SFXN2: variants seen among roughly 807,000 people sequenced by gnomAD.
SFXN2 encodes the protein sideroflexin 2.
Under a neutral mutation model 41.9 loss-of-function variants are expected in SFXN2, and 37 were observed. The ratio of observed to expected loss-of-function variants is 0.88; its 90% CI spans 0.68 to 1.16. SFXN2 has a LOEUF of 1.16. Among genes scored for constraint, SFXN2 ranks in the 50% most tolerant of loss-of-function variants. The probability of loss-of-function intolerance (pLI) is 0.00; values close to 1 mark genes in which losing one functional copy is unlikely to be tolerated. For missense variants in SFXN2, 386 were observed against 425.2 expected, an observed-to-expected ratio of 0.91 and a Z score of 0.81; for synonymous variants, 150 against 156.7, an observed-to-expected ratio of 0.96 and a Z score of 0.32.
At chr10:102,732,100 A>C in intron 7 of SFXN2, 52 bp from the exon 8 acceptor site, 1 of 1,544,210 alleles carries the variant, frequency 6.5e-7, no homozygotes. Flanking sequence ...CTGGTGCAGC[A>C]CATGTACACT....
Position 102,732,903 on chromosome 10 carries a change from A to T in SFXN2, c.766A>T (p.Met256Leu). ...IMERLEKLHF[M>L]QKVKVLHAPL... ...GGAAAGGCTTGAGAAATTGCACTTC[A>T]TGCAGGTATGTAGGGTTTGCTTTGG... The change falls in exon 9 of 12, where the codon ATG becomes TTG. Residue 256 changes from methionine (M) to leucine (L), a missense_variant. By Grantham distance (15) the Met-to-Leu change is conservative. Transcript: ENST00000369893. 1 of 1,614,070 alleles carries T rather than the reference A, an allele frequency of 6.2e-7. No individual in the cohort carries two copies.
intron 4 of SFXN2, 152 bp from the exon 5 acceptor site, chr10:102,729,167 G>A: frequency 3.0e-6 from 2 of 673,692 alleles, no homozygotes; most frequent in Non-Finnish European, 5.1e-6. Context: ...AGCACTGTGA[G>A]TGAGGGGGAG....
chr10:102,721,614 TA>T (rs1264328253), intron 1 of SFXN2, among the ~76,000 whole-genome samples: 1 of 147,568 alleles, frequency 6.8e-6, no homozygotes, highest in African/African-American at 2.4e-5. Flanking sequence ...ATTATATATT[TA>T]TATAGTTATA....
At chr10:102,726,501 C>T (rs2064594784) in intron 1 of SFXN2, 111 bp from the exon 2 acceptor site, 15 of 1,125,154 alleles carry the variant, frequency 1.3e-5, no homozygotes, top group East Asian at 2.4e-5. Flanking sequence ...CTGAGTCAGA[C>T]GATGCCCAGT....
At chr10:102,717,919 A>G (rs770057809) in intron 1 of SFXN2, 6 of 414,646 alleles carry the variant, frequency 1.4e-5, no homozygotes, top group Non-Finnish European at 1.9e-5. Context: ...CAAGAAGGTG[A>G]CAATCACAAA....
intron 1 of SFXN2, among the ~76,000 whole-genome samples, chr10:102,720,942 G>A (rs1462556550): frequency 6.6e-6 from 1 of 152,066 alleles, no homozygotes; most frequent in African/African-American, 2.4e-5. Flanking sequence ...TCAATTGTTT[G>A]GCTTTAAGTT....
At position 102,732,957 on chromosome 10, in the gene SFXN2, C is replaced by G. The variant is rs1319649086; in HGVS notation, c.771+49C>G. On this transcript the variant is annotated intron_variant, in intron 9 of 11. Coordinates refer to ENST00000369893, the MANE Select transcript of SFXN2 (RefSeq NM_178858.6). Reference sequence around the variant, plus strand: ...TTTCCCTGCCCAGAGTGCGTCCAGCCACATCTGTCCCTAGGGATACCTGAC... The same window carrying G: ...TTTCCCTGCCCAGAGTGCGTCCAGCGACATCTGTCCCTAGGGATACCTGAC... 4.4e-6 allele frequency: 7 copies of G among 1,593,966 alleles called. No homozygotes were observed. In the African/African-American group the frequency reaches 9.4e-5, roughly 21 times the overall value.
At chr10:102,729,071 G>A (rs945774138) in intron 4 of SFXN2, among the ~76,000 whole-genome samples, 5 of 152,218 alleles carry the variant, frequency 3.3e-5, no homozygotes, top group African/African-American at 9.6e-5. Flanking sequence ...ACACCTCCCC[G>A]CATAGGGAGC....
At chr10:102,723,402 C>G (rs549679799) in intron 1 of SFXN2, among the ~76,000 whole-genome samples, 1 of 152,066 alleles carries the variant, frequency 6.6e-6, no homozygotes, top group Admixed American at 6.6e-5. Flanking sequence ...CGGGCACCTG[C>G]CACTGCGCCC....
chr10:102,732,774 C>A, intron 8 of SFXN2, 85 bp from the exon 9 acceptor site: 2 of 1,402,338 alleles, frequency 1.4e-6, no homozygotes, highest in South Asian at 1.2e-5. Context: ...GGAGAGGGAA[C>A]CACTTGGTTC....
In SFXN2 at chr10:102,720,610, CA is replaced by C. The variant is rs71474576; in HGVS notation, c.-26+5944del. Among the ~76,000 whole-genome samples, 756 of 127,342 alleles carry C rather than the reference CA, an allele frequency of 5.9e-3. 2 individuals carry two copies. The highest frequency in any genetic ancestry group is 0.019 in the East Asian group (83 of 4,438). 83.5% of individuals were successfully genotyped at this position (127,342 alleles called of 152,430 possible). On this transcript the variant is annotated intron_variant, in intron 1 of 11. Coordinates refer to ENST00000369893, the MANE Select transcript of SFXN2 (RefSeq NM_178858.6). Reference sequence around the variant, plus strand: ...TGGGCAACAGAGCAAGACCCTGTCTCAAAAAAAAAAAAAAATCCCATGGTAT... The same window carrying C: ...TGGGCAACAGAGCAAGACCCTGTCTCAAAAAAAAAAAAAATCCCATGGTAT...
chr10:102,716,129 T>C (rs2064407616), intron 1 of SFXN2: 1 of 152,124 alleles, frequency 6.6e-6, no homozygotes, highest in Non-Finnish European at 1.5e-5. Flanking sequence ...AGGTTGCTCT[T>C]TCTAAGTTGT....
intron 10 of SFXN2, among the ~76,000 whole-genome samples, 156 bp downstream of exon 10, chr10:102,733,759 C>T (rs1434818813): frequency 1.3e-5 from 2 of 152,182 alleles, no homozygotes; most frequent in Non-Finnish European, 2.9e-5. Context: ...AAGCTCTCAC[C>T]CCATCTTTTG....
At chr10:102,731,118 T>C (rs1355146811) in intron 6 of SFXN2, among the ~76,000 whole-genome samples, 1 of 149,748 alleles carries the variant, frequency 6.7e-6, no homozygotes, top group Non-Finnish European at 1.5e-5. Flanking sequence ...AAAACAAAAA[T>C]TAGCCGGGCA....
chr10:102,726,736 C>G lies in SFXN2; in HGVS notation c.100C>G (p.Arg34Gly), dbSNP rs201068739. 3.7e-6 allele frequency: 6 copies of G among 1,614,196 alleles called. No homozygotes were observed. The highest frequency in any genetic ancestry group is 4.2e-6 in the Non-Finnish European group (5 of 1,180,046). The change falls in exon 2 of 12, where the codon CGC becomes GGC. Residue 34 changes from arginine (R) to glycine (G), a missense_variant. Physicochemically the swap from Arg to Gly is moderately radical, Grantham distance 125. Coordinates refer to ENST00000369893, the MANE Select transcript of SFXN2 (RefSeq NM_178858.6). ...GCACTTCCTAAACATCACGGACCCC[C>G]GCACTGTCTTTGTATCTGAGCGGGA... ...VKHFLNITDP[R>G]TVFVSERELD...
intron 1 of SFXN2, chr10:102,714,932 C>T (rs2064383462): frequency 6.5e-6 from 1 of 153,274 alleles, no homozygotes; most frequent in Non-Finnish European, 1.5e-5. Context: ...GGGGGAGTAC[C>T]GATGGGGGGA....
intron 10 of SFXN2, 59 bp downstream of exon 10, chr10:102,733,662 G>A (rs572646383): frequency 3.4e-5 from 48 of 1,403,506 alleles, no homozygotes; most frequent in African/African-American, 1.3e-4. Flanking sequence ...AAGATGTGTC[G>A]TCTTGTCTAG....
chr10:102,733,247 A>G (rs904744687), intron 9 of SFXN2, among the ~76,000 whole-genome samples: 10 of 152,318 alleles, frequency 6.6e-5, no homozygotes, highest in Admixed American at 2.6e-4. Flanking sequence ...TCCTGGGTTC[A>G]TGCCATTCTC....
Position 102,741,196 on chromosome 10 carries a change from G to GTA in SFXN2, c.*3435_*3436dup, listed in dbSNP as rs1049377592. 2.0e-5 allele frequency: 3 copies of GTA among 152,200 alleles called. No homozygotes were observed. Among genetic ancestry groups the GTA allele is most frequent in the African/African-American group, 7.2e-5 (3 of 41,444 alleles). 9.4% of individuals were successfully genotyped at this position (152,200 alleles called of 1,614,324 possible). ...CCAATAGCTCAGCTTGAGCTTTCAG[G>GTA]TAAAAGGAGAAAGGGAAGTTGGGGC... On this transcript the variant is annotated 3_prime_UTR_variant, in exon 12 of 12. Coordinates refer to ENST00000369893, the MANE Select transcript of SFXN2 (RefSeq NM_178858.6).
Sources: allele counts gnomAD v4.1 joint callset (sites outside exome capture counted in the v4.1 genomes callset), GRCh38; gene constraint gnomAD v4.1.1; transcripts MANE v1.5; gene names NCBI Gene and HGNC (gene_info 2026-07-23, HGNC 2026-07-21).